The following OVCH2 variants were observed in gnomAD, a reference collection of about 807,000 sequenced individuals.
The protein encoded by OVCH2 is ovochymase-2.
A neutral mutation model predicts 73.7 loss-of-function variants in OVCH2; 88 were observed. The ratio of observed to expected loss-of-function variants is 1.19; its 90% CI spans 1.01 to 1.43. OVCH2 has a LOEUF of 1.43. Among genes scored for constraint, OVCH2 ranks in the 40% most tolerant of loss-of-function variants. OVCH2 has a pLI of 0.00. For missense variants in OVCH2, 706 were observed against 674.5 expected, an observed-to-expected ratio of 1.05 and a Z score of -0.52; for synonymous variants, 265 against 234.5, an observed-to-expected ratio of 1.13 and a Z score of -1.19.
At chr11:7,687,510 C>T (rs1296895877), downstream of OVCH2, among the ~76,000 whole-genome samples, 2 of 152,108 alleles carry the variant, frequency 1.3e-5, no homozygotes, top group African/African-American at 4.8e-5. Context: ...GGGGACCTTT[C>T]TTTATGAAAG....
At chr11:7,694,681 G>A (rs1856290971) in intron 12 of OVCH2, among the ~76,000 whole-genome samples, 1 of 151,830 alleles carries the variant, frequency 6.6e-6, no homozygotes, top group Admixed American at 6.6e-5. Flanking sequence ...GCAGTGGCGC[G>A]ATCTCGGCTC....
At chr11:7,700,813 A>G (rs911164480) in intron 6 of OVCH2, among the ~76,000 whole-genome samples, 1 of 152,208 alleles carries the variant, frequency 6.6e-6, no homozygotes, top group African/African-American at 2.4e-5. Context: ...TAGTAGGAAG[A>G]ATGGAGGAAA....
At chr11:7,699,280 G>A (rs549417283) in intron 7 of OVCH2, 1 of 156,232 alleles carries the variant, frequency 6.4e-6, no homozygotes, top group African/African-American at 2.4e-5. Flanking sequence ...AGGAGGCAAA[G>A]AAGTTGCAAT....
intron 12 of OVCH2, 24 bp downstream of exon 12, chr11:7,695,034 C>A (rs773524170): frequency 1.9e-6 from 3 of 1,544,552 alleles, no homozygotes; most frequent in Non-Finnish European, 2.6e-6. Context: ...ACCATAGCTA[C>A]GTAAGGACAG....
chr11:7,700,602 A>T, intron 6 of OVCH2, 117 bp from the exon 7 acceptor site: 1 of 1,161,454 alleles, frequency 8.6e-7, no homozygotes, highest in Non-Finnish European at 1.2e-6. Context: ...ACTTCTAATA[A>T]TTTAGACTCA....
chr11:7,690,704 C>G (rs1322040782), intron 14 of OVCH2, among the ~76,000 whole-genome samples: 1 of 151,992 alleles, frequency 6.6e-6, no homozygotes, highest in Admixed American at 6.6e-5. Flanking sequence ...TAAAACAAGG[C>G]AATATTTTGC....
intron 3 of OVCH2, 48 bp from the exon 4 acceptor site, chr11:7,702,377 G>A (rs1441140235): frequency 7.0e-7 from 1 of 1,435,424 alleles, no homozygotes. Flanking sequence ...GTGCCTCTGA[G>A]TACAGTTGCA....
chr11:7,696,734 G>A lies in OVCH2; in HGVS notation c.991C>T (p.Leu331Phe). Residue 331 changes from leucine to phenylalanine, a missense_variant, in exon 9 of 16, where the codon CTC (leucine) becomes TTC (phenylalanine). By Grantham distance (22) the Leu-to-Phe change is conservative (BLOSUM62 0). Coordinates refer to ENST00000533663, the MANE Select transcript of OVCH2 (RefSeq NM_198185.7). ...AEGKLHFPES[L>F]HLYYESKQRC... ...TGCTTGCTCTCATAATATAGGTGGA[G>A]GCTTTCTGGGAAGTGCAGCTTCCCC... 6.2e-7 allele frequency: 1 copy of A among 1,613,602 alleles called. No homozygotes were observed. Among genetic ancestry groups the A allele is most frequent in the Non-Finnish European group, 8.5e-7 (1 of 1,179,748 alleles).
At chr11:7,703,550 C>T in intron 3 of OVCH2, 148 bp downstream of exon 3, 2 of 580,326 alleles carry the variant, frequency 3.4e-6, no homozygotes, top group Admixed American at 7.4e-5. Flanking sequence ...TCACCCAGCC[C>T]CATTTGTGTC....
intron 2 of OVCH2, among the ~76,000 whole-genome samples, 159 bp downstream of exon 2, chr11:7,704,406 T>C (rs1209564182): frequency 6.6e-6 from 1 of 152,236 alleles, no homozygotes; most frequent in African/African-American, 2.4e-5. Context: ...TACAAGTAAA[T>C]ACTTTTTCTT....
downstream of OVCH2, among the ~76,000 whole-genome samples, chr11:7,687,741 C>A (rs1280380622): frequency 3.3e-5 from 5 of 152,036 alleles, no homozygotes; most frequent in African/African-American, 4.8e-5. Context: ...AACAAATATA[C>A]CATTGACTGG....
In OVCH2 at chr11:7,706,456, C is replaced by T. The variant is rs775509597; in HGVS notation, c.-62G>A. The T allele has an allele frequency of 4.6e-6, 7 of 1,510,176 alleles. No individual in the cohort carries two copies. The highest frequency in any genetic ancestry group is 6.2e-6 in the Non-Finnish European group (7 of 1,133,806). The allele number at this position is 1,510,176 out of a possible 1,614,324, so 93.5% of individuals were successfully genotyped here. A position where few individuals can be genotyped will look rare whatever the true frequency, so the allele number is the denominator to read the frequency against. On this transcript the variant is annotated 5_prime_UTR_variant, in exon 1 of 16. Transcript: ENST00000533663. The stretch of plus-strand genomic sequence containing the variant: ...GACTAAAGCAAACAAAAATAGGAAG[C>T]CTTGAGAGACCAGCAATAAGCCAAT...
At chr11:7,681,013 G>T in the OVCH2 span, among the ~76,000 whole-genome samples, 13 of 152,126 alleles carry the variant, frequency 8.5e-5, no homozygotes, top group Non-Finnish European at 1.6e-4. Flanking sequence ...TCAGCTCATT[G>T]TCTCTGCCAG....
At chr11:7,703,298 C>A (rs1275290837) in intron 3 of OVCH2, among the ~76,000 whole-genome samples, 7 of 152,126 alleles carry the variant, frequency 4.6e-5, no homozygotes, top group Non-Finnish European at 1.0e-4. Context: ...GACAGGGAGC[C>A]TACTTTCTAC....
chr11:7,706,188 T>C (rs898305590), intron 1 of OVCH2, 119 bp downstream of exon 1: 10 of 1,038,902 alleles, frequency 9.6e-6, no homozygotes, highest in Non-Finnish European at 1.4e-5. Flanking sequence ...AACAATTAGA[T>C]ATCCAAAATA....
chr11:7,696,626 C>T (rs1856339628), intron 9 of OVCH2, 37 bp from the exon 10 acceptor site: 2 of 1,613,820 alleles, frequency 1.2e-6, no homozygotes, highest in Non-Finnish European at 1.7e-6. Flanking sequence ...TATTTCTAGA[C>T]AGAAAACGAC....
chr11:7,681,866 A>G, the OVCH2 span, among the ~76,000 whole-genome samples: 2 of 151,668 alleles, frequency 1.3e-5, no homozygotes, highest in Middle Eastern at 3.2e-3. Context: ...AAAAAAAAAA[A>G]AAAAAAGAAA....
chr11:7,696,033 A>T (rs1047926363), intron 10 of OVCH2, among the ~76,000 whole-genome samples: 1 of 152,192 alleles, frequency 6.6e-6, no homozygotes, highest in Non-Finnish European at 1.5e-5. Flanking sequence ...GAAACCACAG[A>T]AACACCATTC....
Position 7,691,318 on chromosome 11 carries a change from G to GT in OVCH2, c.1589dup (p.Asn530LysfsTer16), listed in dbSNP as rs748408086. On this transcript the variant is annotated frameshift_variant, in exon 14 of 16. Coordinates refer to ENST00000533663, the MANE Select transcript of OVCH2 (RefSeq NM_198185.7). LOFTEE classifies it high-confidence loss of function. ...TAGCCTGAAAGCCCCTGCAGGTCCC[G>GT]TTTTCATCTGATTGGAAGCTGATGA... is the stretch of plus-strand genomic sequence containing the variant. The GT allele has an allele frequency of 1.5e-5, 24 of 1,613,764 alleles. 1 individual carries two copies. In the South Asian group the frequency reaches 2.6e-4, roughly 18 times the overall value.
Sources: allele counts gnomAD v4.1 joint callset (sites outside exome capture counted in the v4.1 genomes callset), GRCh38; gene constraint gnomAD v4.1.1; transcripts MANE v1.5; gene names NCBI Gene and HGNC (gene_info 2026-07-23, HGNC 2026-07-21).